The following FAM13B variants were observed in gnomAD, a reference collection of about 807,000 sequenced individuals.
FAM13B encodes family with sequence similarity 13 member B.
Under a neutral mutation model 117.3 loss-of-function variants are expected in FAM13B, and 60 were observed. The observed-to-expected ratio is 0.51, with a 90% CI of 0.42 to 0.63. The LOEUF (loss-of-function observed/expected upper bound fraction) is 0.63. Ranked by LOEUF, FAM13B falls within the 30% of genes least tolerant of loss-of-function variation. FAM13B has a pLI of 0.00. For missense variants in FAM13B, 972 were observed against 1,091.9 expected, an observed-to-expected ratio of 0.89 and a Z score of 1.55; for synonymous variants, 332 against 356.1, an observed-to-expected ratio of 0.93 and a Z score of 0.76.
At chr5:138,050,702 T>A (rs1791777117) in intron 1 of FAM13B, among the ~76,000 whole-genome samples, 1 of 152,000 alleles carries the variant, frequency 6.6e-6, no homozygotes, top group African/African-American at 2.4e-5. Flanking sequence ...TCAGAAGGGG[T>A]CACTTGGGTT....
intron 1 of FAM13B, among the ~76,000 whole-genome samples, chr5:138,025,974 T>C (rs1038992119): frequency 8.5e-5 from 13 of 152,170 alleles, no homozygotes; most frequent in Non-Finnish European, 1.9e-4. Context: ...CTTTACACTT[T>C]AACTATCTAC....
rs1581020192 is a variant in FAM13B at position 137,939,307 on chromosome 5, CATA to C, written c.*915_*917del. ...TTGTTAAGAACAGATTTACTTTAGG[CATA>C]ATATTTTGCTGATTTAAGCCCATTG... On this transcript the variant is annotated 3_prime_UTR_variant, in exon 24 of 24. Transcript: ENST00000689681. 1 of 152,646 alleles carries C rather than the reference CATA, an allele frequency of 6.6e-6. No individual in the cohort carries two copies. The highest frequency in any genetic ancestry group is 1.9e-4 in the East Asian group (1 of 5,188). 9.5% of individuals were successfully genotyped at this position (152,646 alleles called of 1,614,324 possible).
intron 1 of FAM13B, among the ~76,000 whole-genome samples, chr5:138,043,317 T>C (rs963248814): frequency 6.6e-6 from 1 of 152,112 alleles, no homozygotes; most frequent in African/African-American, 2.4e-5. Context: ...GATCCATGAT[T>C]GTGCCACTGC....
chr5:138,020,347 T>C (rs889551415), intron 2 of FAM13B, among the ~76,000 whole-genome samples: 11 of 152,204 alleles, frequency 7.2e-5, no homozygotes, highest in African/African-American at 2.7e-4. Flanking sequence ...GCACAAGCCG[T>C]TGTGCCTGTC....
chr5:137,967,254 G>A (rs1257873350), intron 10 of FAM13B, among the ~76,000 whole-genome samples: 4 of 152,148 alleles, frequency 2.6e-5, no homozygotes, highest in South Asian at 4.1e-4. Context: ...GGCCAGGCAC[G>A]GTGGCTTATG....
chr5:137,981,861 G>GT lies in FAM13B; in HGVS notation c.1179+3395dup, dbSNP rs566874231. On this transcript the variant is annotated intron_variant, in intron 10 of 23. Transcript: ENST00000689681. ...AAAGTTCAGAGACTGGAGTGGGTGG[G>GT]TAAGTGGGAGGGCCTGCCATAAACA... Among the ~76,000 whole-genome samples, 547 of 152,256 alleles carry GT rather than the reference G, an allele frequency of 3.6e-3. 4 individuals are homozygous for GT. Among genetic ancestry groups the GT allele is most frequent in the Middle Eastern group, 6.8e-3 (2 of 294 alleles).
chr5:138,005,551 A>C (rs986429137), intron 7 of FAM13B, among the ~76,000 whole-genome samples: 2 of 152,004 alleles, frequency 1.3e-5, no homozygotes, highest in African/African-American at 4.8e-5. Flanking sequence ...AATACAGTTA[A>C]ATATCTGAAC....
intron 7 of FAM13B, among the ~76,000 whole-genome samples, chr5:137,997,910 C>A (rs1045876293): frequency 7.9e-5 from 12 of 152,182 alleles, no homozygotes; most frequent in Non-Finnish European, 1.5e-5. Context: ...GGCCATCAGG[C>A]TGAGATGGCT....
intron 10 of FAM13B, among the ~76,000 whole-genome samples, chr5:137,965,689 A>C (rs765092103): frequency 7.9e-5 from 12 of 152,218 alleles, no homozygotes; most frequent in Non-Finnish European, 1.5e-4. Flanking sequence ...TACTGAATTA[A>C]TATGATCAAA....
chr5:138,034,738 T>C (rs939296355), upstream of FAM13B, among the ~76,000 whole-genome samples: 17 of 152,228 alleles, frequency 1.1e-4, no homozygotes, highest in Admixed American at 9.2e-4. Context: ...TTTAGCCTTG[T>C]ATCTCTCTTT....
Position 138,024,830 on chromosome 5 carries a change from GAGAGAA to G in FAM13B, c.-202-3639_-202-3634del, listed in dbSNP as rs1273975210. ...ACACACACAGAGAGAGAGAGAGAGA[GAGAGAA>G]AGAGAGAGAGAGAGAGTTTTTTGAG... On this transcript the variant is annotated intron_variant, in intron 1 of 23. Coordinates refer to ENST00000689681, the MANE Select transcript of FAM13B (RefSeq NM_001385994.1). Among the ~76,000 whole-genome samples, 4 of 109,804 alleles carry G rather than the reference GAGAGAA, an allele frequency of 3.6e-5. 1 individual carries two copies. Among genetic ancestry groups the G allele is most frequent in the Middle Eastern group, 4.0e-3 (1 of 250 alleles). The allele number at this position is 109,804 out of a possible 152,430, so 72.0% of individuals were successfully genotyped here. A position where few individuals can be genotyped will look rare whatever the true frequency, so the allele number is the denominator to read the frequency against.
At chr5:137,970,632 G>A (rs911400079) in intron 10 of FAM13B, among the ~76,000 whole-genome samples, 36 of 152,060 alleles carry the variant, frequency 2.4e-4, no homozygotes, top group African/African-American at 8.2e-4. Context: ...AATGTAAATG[G>A]GCTAAATGCT....
intron 10 of FAM13B, among the ~76,000 whole-genome samples, chr5:137,979,873 T>C (rs1021447618): frequency 6.6e-6 from 1 of 152,008 alleles, no homozygotes; most frequent in African/African-American, 2.4e-5. Flanking sequence ...CATTGAAAAC[T>C]TAAATCGACC....
At chr5:138,002,663 T>TA (rs1340329931) in intron 7 of FAM13B, among the ~76,000 whole-genome samples, 2 of 60,766 alleles carry the variant, frequency 3.3e-5, no homozygotes, top group Non-Finnish European at 6.7e-5. Context: ...CTGTTCCCTC[T>TA]ATTTTTTTTT....
chr5:137,952,566 C>T (rs923501318), intron 17 of FAM13B, 62 bp downstream of exon 17: 24 of 1,005,264 alleles, frequency 2.4e-5, no homozygotes, highest in African/African-American at 3.3e-5. Flanking sequence ...TTGTGATTCT[C>T]AGACATTAAT....
At position 138,025,319 on chromosome 5, in the gene FAM13B, T is replaced by TG. The variant is rs564487541; in HGVS notation, c.-202-4123_-202-4122insC. On this transcript the variant is annotated intron_variant, in intron 1 of 23. Coordinates refer to ENST00000689681, the MANE Select transcript of FAM13B (RefSeq NM_001385994.1). ...TATATATATATATATATGTATTTTTTTTTTTTTTTTTTTTGAGTTGAGGTC... is the reference window on the plus strand; with the variant it reads ...TATATATATATATATATGTATTTTTTGTTTTTTTTTTTTTTGAGTTGAGGTC... 4.5e-4 allele frequency among the ~76,000 whole-genome samples: 53 copies of TG among 117,850 alleles called. 1 individual carries two copies. The East Asian group carries it at 0.012, about 27-fold the overall frequency. 77.3% of individuals were successfully genotyped at this position (117,850 alleles called of 152,430 possible).
rs57142324 is a variant in FAM13B, at chr5:137,966,488, T to TAGAGAGAGAGAG, written c.1180-4031_1180-4020dup. Among the ~76,000 whole-genome samples the TAGAGAGAGAGAG allele has an allele frequency of 4.6e-3, 135 of 29,458 alleles. 2 individuals carry two copies. Among genetic ancestry groups the TAGAGAGAGAGAG allele is most frequent in the East Asian group, 0.017 (15 of 886 alleles). The allele number at this position is 29,458 out of a possible 152,430, so 19.3% of individuals were successfully genotyped here. A position where few individuals can be genotyped will look rare whatever the true frequency, so the allele number is the denominator to read the frequency against. On this transcript the variant is annotated intron_variant, in intron 10 of 23. Coordinates refer to ENST00000689681, the MANE Select transcript of FAM13B (RefSeq NM_001385994.1). ...ATATATATATATATATATATATATA[T>TAGAGAGAGAGAG]AGAGAGAGAGAGAGAGAGAGAGAGA...
intron 7 of FAM13B, among the ~76,000 whole-genome samples, chr5:137,992,236 A>T (rs1314031807): frequency 6.6e-6 from 1 of 151,642 alleles, no homozygotes; most frequent in Non-Finnish European, 1.5e-5. Context: ...ATATAATAAA[A>T]AATAATAAAA....
chr5:137,978,855 A>G (rs546529628), intron 10 of FAM13B, among the ~76,000 whole-genome samples: 2 of 152,334 alleles, frequency 1.3e-5, no homozygotes, highest in African/African-American at 4.8e-5. Context: ...CATCTGCTTC[A>G]TATAAACCAC....
Sources: allele counts gnomAD v4.1 joint callset (sites outside exome capture counted in the v4.1 genomes callset), GRCh38; gene constraint gnomAD v4.1.1; transcripts MANE v1.5; gene names NCBI Gene and HGNC (gene_info 2026-07-23, HGNC 2026-07-21).